The following SLC44A5 variants were observed in gnomAD, a reference collection of about 807,000 sequenced individuals.
SLC44A5 encodes solute carrier family 44 member 5.
Under a neutral mutation model 101.8 loss-of-function variants are expected in SLC44A5, and 57 were observed. That is an observed-to-expected ratio of 0.56 (90% CI 0.45 to 0.70). The LOEUF (loss-of-function observed/expected upper bound fraction) is 0.70, where lower values mean the gene tolerates loss of function less well. Among genes scored for constraint, SLC44A5 ranks in the 30% least tolerant of loss-of-function variants. SLC44A5 has a pLI of 0.00. For synonymous variants in SLC44A5, 281 were observed against 290.9 expected (o/e 0.97, Z 0.35); for missense variants, 737 against 853.1 (o/e 0.86, Z 1.70).
At chr1:75,529,250 C>T (rs563297836) in intron 2 of SLC44A5, among the ~76,000 whole-genome samples, 12 of 152,278 alleles carry the variant, frequency 7.9e-5, no homozygotes, top group Admixed American at 2.0e-4. Context: ...AAAATAAGAA[C>T]TGGCAACCCT....
At chr1:75,702,078 C>T in the SLC44A5 span, among the ~76,000 whole-genome samples, 1 of 152,146 alleles carries the variant, frequency 6.6e-6, no homozygotes, top group South Asian at 2.1e-4. Flanking sequence ...AATGGCCATA[C>T]TGCCCAAGGT....
At chr1:75,456,453 C>G (rs538851421) in intron 2 of SLC44A5, among the ~76,000 whole-genome samples, 2 of 152,286 alleles carry the variant, frequency 1.3e-5, no homozygotes, top group South Asian at 2.1e-4. Flanking sequence ...TAACATCACA[C>G]AAAATACCCA....
chr1:75,676,133 T>C, the SLC44A5 span, among the ~76,000 whole-genome samples: 1 of 152,208 alleles, frequency 6.6e-6, no homozygotes, highest in Non-Finnish European at 1.5e-5. Flanking sequence ...TGGAAGACAG[T>C]GTGGCAATTC....
At chr1:75,649,629 G>T in the SLC44A5 span, among the ~76,000 whole-genome samples, 2 of 152,126 alleles carry the variant, frequency 1.3e-5, no homozygotes, top group African/African-American at 4.8e-5. Flanking sequence ...AAAATCTTTA[G>T]CAGAATGGTC....
At chr1:75,637,461 T>G in the SLC44A5 span, among the ~76,000 whole-genome samples, 3 of 151,896 alleles carry the variant, frequency 2.0e-5, no homozygotes, top group Non-Finnish European at 4.4e-5. Flanking sequence ...GTCAAAGTCA[T>G]AGAGAGAAGA....
intron 3 of SLC44A5, among the ~76,000 whole-genome samples, chr1:75,359,391 C>T (rs1421542863): frequency 2.7e-5 from 4 of 150,604 alleles, no homozygotes; most frequent in African/African-American, 9.8e-5. Flanking sequence ...CATGCCACCA[C>T]GCTGGCTAAT....
At chr1:75,709,165 T>A in the SLC44A5 span, among the ~76,000 whole-genome samples, 1 of 152,228 alleles carries the variant, frequency 6.6e-6, no homozygotes, top group Non-Finnish European at 1.5e-5. Flanking sequence ...TCCATGACTC[T>A]TTAACCTATA....
chr1:75,559,234 C>T (rs61653323), intron 1 of SLC44A5, among the ~76,000 whole-genome samples: 24,854 of 151,456 alleles, frequency 0.16, 2,224 homozygotes, highest in Admixed American at 0.24. Context: ...CTCAGTCAAG[C>T]GTAATAGGAA....
intron 2 of SLC44A5, among the ~76,000 whole-genome samples, chr1:75,409,140 A>C (rs527987214): frequency 6.6e-6 from 1 of 152,280 alleles, no homozygotes; most frequent in African/African-American, 2.4e-5. Context: ...ATGAGTCCAC[A>C]TGGACATAAA....
At chr1:75,515,053 T>A (rs1320325151) in intron 2 of SLC44A5, among the ~76,000 whole-genome samples, 1 of 152,216 alleles carries the variant, frequency 6.6e-6, no homozygotes, top group Non-Finnish European at 1.5e-5. Flanking sequence ...AACCACAGTA[T>A]TAATGCAGTT....
the SLC44A5 span, among the ~76,000 whole-genome samples, chr1:75,664,979 C>T: frequency 2.1e-5 from 3 of 146,002 alleles, no homozygotes; most frequent in Non-Finnish European, 1.5e-5. Context: ...AATGGAAAAA[C>T]ATTATACGTT....
intron 23 of SLC44A5, among the ~76,000 whole-genome samples, chr1:75,210,121 A>T (rs1181979788): frequency 6.6e-6 from 1 of 151,636 alleles, no homozygotes; most frequent in African/African-American, 2.4e-5. Context: ...ATCATAGCTC[A>T]CTGCAGCCTT....
chr1:75,486,820 G>A (rs929964792), intron 2 of SLC44A5, among the ~76,000 whole-genome samples: 1 of 152,130 alleles, frequency 6.6e-6, no homozygotes, highest in Admixed American at 6.5e-5. Context: ...TTTTCTTTCT[G>A]TTCTGAATCC....
At chr1:75,221,171 C>T (rs1647071916) in intron 14 of SLC44A5, among the ~76,000 whole-genome samples, 1 of 152,086 alleles carries the variant, frequency 6.6e-6, no homozygotes, top group African/African-American at 2.4e-5. Context: ...CTATTTAAAC[C>T]ACTGACTTCA....
chr1:75,531,113 T>C (rs1420413925), intron 2 of SLC44A5, among the ~76,000 whole-genome samples: 1 of 152,182 alleles, frequency 6.6e-6, no homozygotes, highest in African/African-American at 2.4e-5. Flanking sequence ...TTGCCTTTCA[T>C]GAGCAATAAA....
the SLC44A5 span, among the ~76,000 whole-genome samples, chr1:75,648,541 T>C: frequency 2.4e-4 from 36 of 152,116 alleles, no homozygotes; most frequent in Non-Finnish European, 3.5e-4. Flanking sequence ...TGGCATATGA[T>C]AGTCCTCAGG....
chr1:75,699,610 A>C, the SLC44A5 span, among the ~76,000 whole-genome samples: 1 of 151,972 alleles, frequency 6.6e-6, no homozygotes, highest in African/African-American at 2.4e-5. Context: ...AAAAAAAAAA[A>C]AAACACAGCT....
intron 3 of SLC44A5, among the ~76,000 whole-genome samples, chr1:75,350,112 T>C (rs1463442690): frequency 6.6e-6 from 1 of 151,952 alleles, no homozygotes; most frequent in African/African-American, 2.4e-5. Context: ...AACTATGATG[T>C]TATTTGGAAG....
At chr1:75,238,907 C>A (rs1170778998) in intron 9 of SLC44A5, among the ~76,000 whole-genome samples, 1 of 152,014 alleles carries the variant, frequency 6.6e-6, no homozygotes, top group Non-Finnish European at 1.5e-5. Flanking sequence ...ATAAAATGTA[C>A]ATCACAGGTT....
Sources: allele counts gnomAD v4.1 joint callset (sites outside exome capture counted in the v4.1 genomes callset), GRCh38; gene constraint gnomAD v4.1.1; transcripts MANE v1.5; gene names NCBI Gene and HGNC (gene_info 2026-07-23, HGNC 2026-07-21).